The following NPVF variants were observed in gnomAD, a reference collection of about 807,000 sequenced individuals.
The protein encoded by NPVF is neuropeptide VF precursor, also known as pro-FMRFamide-related neuropeptide VF.
In NPVF, 17 loss-of-function variants were observed where a neutral mutation model predicts 15.7. The observed-to-expected ratio is 1.08, with a 90% CI of 0.74 to 1.62. The LOEUF (loss-of-function observed/expected upper bound fraction) is 1.62. Ranked by LOEUF, NPVF falls within the 40% of genes most tolerant of loss-of-function variation. The pLI, the probability that NPVF is intolerant of heterozygous loss-of-function variation, is 0.00. For synonymous variants in NPVF, 70 were observed against 80.1 expected (o/e 0.87, Z 0.67); for missense variants, 270 against 225.2 (o/e 1.20, Z -1.27).
chr7:25,226,464 C>T (rs1204271227), intron 2 of NPVF, among the ~76,000 whole-genome samples, 162 bp downstream of exon 2: 1 of 152,164 alleles, frequency 6.6e-6, no homozygotes, highest in Non-Finnish European at 1.5e-5. Context: ...TTCTATAGTT[C>T]CCAATTTACA....
At chr7:25,225,680 G>C (rs1253919959) in intron 2 of NPVF, among the ~76,000 whole-genome samples, 1 of 152,210 alleles carries the variant, frequency 6.6e-6, no homozygotes, top group Non-Finnish European at 1.5e-5. Context: ...TCAAGAGAAA[G>C]CTGCTTTTGA....
intron 1 of NPVF, 72 bp downstream of exon 1, chr7:25,228,230 C>T: frequency 9.1e-7 from 1 of 1,097,870 alleles, no homozygotes; most frequent in Non-Finnish European, 1.3e-6. Flanking sequence ...TTAGTCTTTA[C>T]AAAATCATTA....
At position 25,226,968 on chromosome 7, in the gene NPVF, C is replaced by A. The variant is rs1783138844; in HGVS notation, c.197G>T (p.Gly66Val). The change falls in exon 2 of 3, where the codon GGA becomes GTA. Residue 66 changes from glycine (G) to valine (V), a missense_variant. By Grantham distance (109) the Gly-to-Val change is moderately radical. Coordinates refer to ENST00000222674, the MANE Select transcript of NPVF (RefSeq NM_022150.3). ...SLNFEELKDW[G>V]PKNVIKMSTP... ...ACTCATCTTAATAACATTTTTTGGT[C>A]CCCAATCTTTTAATTCCTCAAAATT... 6.2e-7 allele frequency: 1 copy of A among 1,613,928 alleles called. No individual in the cohort carries two copies. Among genetic ancestry groups the A allele is most frequent in the Non-Finnish European group, 8.5e-7 (1 of 1,179,934 alleles).
At chr7:25,227,385 A>G (rs919605508) in intron 1 of NPVF, among the ~76,000 whole-genome samples, 21 of 152,046 alleles carry the variant, frequency 1.4e-4, no homozygotes, top group Non-Finnish European at 2.6e-4. Context: ...GGAATATTTT[A>G]TATATTTTTA....
intron 1 of NPVF, among the ~76,000 whole-genome samples, chr7:25,227,871 A>C (rs1426225106): frequency 6.6e-6 from 1 of 152,232 alleles, no homozygotes; most frequent in Non-Finnish European, 1.5e-5. Flanking sequence ...TCTACAGGTA[A>C]ACACTTTACT....
At chr7:25,227,192 T>TA (rs1783141545) in intron 1 of NPVF, among the ~76,000 whole-genome samples, 166 bp from the exon 2 acceptor site, 1 of 152,194 alleles carries the variant, frequency 6.6e-6, no homozygotes, top group African/African-American at 2.4e-5. Flanking sequence ...TTAAGCTTTT[T>TA]AAAGCAATAT....
chr7:25,225,060 T>C lies in NPVF; in HGVS notation c.*62A>G. ...TGTATGTAGCTACTCTTCCGTGTGG[T>C]CTTCGCTATAGAGCCATTTGTAGAT... On this transcript the variant is annotated 3_prime_UTR_variant, in exon 3 of 3. Transcript: ENST00000222674. 1 of 1,419,422 alleles carries C rather than the reference T, an allele frequency of 7.0e-7. No homozygotes were observed. 87.9% of individuals were successfully genotyped at this position (1,419,422 alleles called of 1,614,324 possible). A position where few individuals can be genotyped will look rare whatever the true frequency, so the allele number is the denominator to read the frequency against.
In NPVF at chr7:25,224,970, T is replaced by G; in HGVS notation, c.*152A>C. 1.8e-6 allele frequency: 1 copy of G among 548,746 alleles called. No homozygotes were observed. Among genetic ancestry groups the G allele is most frequent in the Non-Finnish European group, 3.2e-6 (1 of 308,014 alleles). 34.0% of individuals were successfully genotyped at this position (548,746 alleles called of 1,614,324 possible). ...ATATGCTTTAATTTTTTTACAACTT[T>G]CAAGATACTATTATAGCTGTACTGA... On this transcript the variant is annotated 3_prime_UTR_variant, in exon 3 of 3. Coordinates refer to ENST00000222674, the MANE Select transcript of NPVF (RefSeq NM_022150.3).
At chr7:25,226,458 A>T (rs1249546988) in intron 2 of NPVF, among the ~76,000 whole-genome samples, 168 bp downstream of exon 2, 1 of 152,234 alleles carries the variant, frequency 6.6e-6, no homozygotes, top group East Asian at 1.9e-4. Context: ...CTGGCCTTCT[A>T]TAGTTCCCAA....
chr7:25,225,474 C>G (rs1468205424), intron 2 of NPVF, among the ~76,000 whole-genome samples: 1 of 152,230 alleles, frequency 6.6e-6, no homozygotes, highest in Non-Finnish European at 1.5e-5. Context: ...TTCTCCCTCT[C>G]CTGATGAATG....
At position 25,225,190 on chromosome 7, in the gene NPVF, A is replaced by G; in HGVS notation, c.540-17T>C. 6.2e-7 allele frequency: 1 copy of G among 1,607,088 alleles called. No homozygotes were observed. Among genetic ancestry groups the G allele is most frequent in the Non-Finnish European group, 8.5e-7 (1 of 1,174,742 alleles). ...AGCAGTCTCCTAAAATGTAAGCAGTATAAAATGTTGTCACCCATCAGAACA... is the reference window on the plus strand; with the variant it reads ...AGCAGTCTCCTAAAATGTAAGCAGTGTAAAATGTTGTCACCCATCAGAACA... On this transcript the variant is annotated splice_polypyrimidine_tract_variant and intron_variant, in intron 2 of 2. Coordinates refer to ENST00000222674, the MANE Select transcript of NPVF (RefSeq NM_022150.3).
Position 25,228,477 on chromosome 7 carries a change from C to T in NPVF, c.-38G>A, listed in dbSNP as rs200123795. ...TAAAATTAAGTCTCTATGTGCAGCC[C>T]AATGTTTATGAGAGGAGAAAAAAAT... On this transcript the variant is annotated 5_prime_UTR_variant, in exon 1 of 3. Transcript: ENST00000222674. The T allele has an allele frequency of 4.7e-5, 70 of 1,489,234 alleles. No individual in the cohort carries two copies. The Middle Eastern group carries it at 7.6e-4, about 16-fold the overall frequency. 92.3% of individuals were successfully genotyped at this position (1,489,234 alleles called of 1,614,324 possible).
intron 2 of NPVF, 125 bp from the exon 3 acceptor site, chr7:25,225,298 A>G (rs748965814): frequency 6.9e-5 from 50 of 722,754 alleles, no homozygotes; most frequent in Non-Finnish European, 9.9e-5. Flanking sequence ...TGCACTTGAA[A>G]TGAGTGAGAT....
rs569087357 is a variant in NPVF, at chr7:25,228,393, G to C, written c.47C>G (p.Thr16Ser). Residue 16 changes from threonine to serine, a missense_variant, in exon 1 of 3, where the codon ACT (threonine) becomes AGT (serine). Coordinates refer to ENST00000222674, the MANE Select transcript of NPVF (RefSeq NM_022150.3). ...SKLFILLTLA[T>S]SSLLTSNIFC... ...AATGTTTGATGTTAACAAGCTTGAA[G>C]TGGCTAAAGTCAATAAAATGAATAG... The C allele has an allele frequency of 1.4e-5, 22 of 1,583,236 alleles. No homozygotes were observed. The South Asian group carries it at 2.3e-4, about 17-fold the overall frequency.
chr7:25,226,041 A>AT (rs966623803), intron 2 of NPVF, among the ~76,000 whole-genome samples: 3 of 151,964 alleles, frequency 2.0e-5, no homozygotes, highest in Non-Finnish European at 1.5e-5. Flanking sequence ...TATAAAAAAA[A>AT]TTTTTTTTAA....
intron 1 of NPVF, among the ~76,000 whole-genome samples, chr7:25,227,999 A>G (rs1193367047): frequency 6.6e-6 from 1 of 152,212 alleles, no homozygotes; most frequent in Non-Finnish European, 1.5e-5. Context: ...AAATGTACCC[A>G]AATCTTATTT....
At position 25,226,781 on chromosome 7, in the gene NPVF, G is replaced by C. The variant is rs2717851; in HGVS notation, c.384C>G (p.Pro128=). 7 of 1,613,802 alleles carry C rather than the reference G, an allele frequency of 4.3e-6. No individual in the cohort carries two copies. Among genetic ancestry groups the C allele is most frequent in the East Asian group, 2.2e-5 (1 of 44,888 alleles). ...VSLVRRVPNL[P]QRFGRTTTAK... The stretch of plus-strand genomic sequence containing the variant: ...CTGTTGTTGTTCTCCCAAACCTTTG[G>C]GGCAGGTTAGGAACACGTCTCACGA... The change falls in exon 2 of 3, where the codon CCC becomes CCG. Residue 128 remains proline (P), a synonymous_variant. Coordinates refer to ENST00000222674, the MANE Select transcript of NPVF (RefSeq NM_022150.3).
At chr7:25,225,733 C>A (rs1222152448) in intron 2 of NPVF, among the ~76,000 whole-genome samples, 2 of 152,116 alleles carry the variant, frequency 1.3e-5, no homozygotes, top group Non-Finnish European at 2.9e-5. Context: ...TTTTTTCTGA[C>A]CCTCTGCAGG....
chr7:25,228,377 T>G lies in NPVF; in HGVS notation c.63A>C (p.Thr21=), dbSNP rs762858782. 1 of 1,571,616 alleles carries G rather than the reference T, an allele frequency of 6.4e-7. No individual in the cohort carries two copies. The highest frequency in any genetic ancestry group is 1.1e-5 in the South Asian group (1 of 89,910). The change falls in exon 1 of 3, where the codon ACA becomes ACC. Residue 21 remains threonine, a synonymous_variant. Coordinates refer to ENST00000222674, the MANE Select transcript of NPVF (RefSeq NM_022150.3). ...LLTLATSSLL[T]SNIFCADELV... ...ATTCATCTGCACAAAAAATGTTTGA[T>G]GTTAACAAGCTTGAAGTGGCTAAAG...
Sources: gnomAD v4.1 joint callset for allele counts (sites outside exome capture counted in the v4.1 genomes callset) on GRCh38, gnomAD v4.1.1 for gene constraint, MANE v1.5 for transcripts, NCBI Gene and HGNC (gene_info 2026-07-23, HGNC 2026-07-21) for gene names.